The following GLUD1 variants were observed in gnomAD, a reference collection of about 807,000 sequenced individuals.
GLUD1 encodes glutamate dehydrogenase 1, mitochondrial.
GLUD1 carries 22 observed loss-of-function variants against 56.0 expected under a neutral mutation model. That is an observed-to-expected ratio of 0.39 (90% CI 0.28 to 0.56). The LOEUF is 0.56. GLUD1 is among the 20% of genes least tolerant of loss of function. The pLI is 0.58. For missense variants in GLUD1, 451 were observed against 732.0 expected (o/e 0.62, Z 4.43); for synonymous variants, 223 against 269.9 (o/e 0.83, Z 1.70).
Position 87,064,407 on chromosome 10 carries a change from T to C in GLUD1, c.742-1572A>G, listed in dbSNP as rs535418659. 1.5e-4 allele frequency among the ~76,000 whole-genome samples: 23 copies of C among 152,302 alleles called. No homozygotes were observed. In the South Asian group the frequency reaches 4.6e-3, roughly 30 times the overall value. ...AAACTAGAGACAGTCTTATTTTGTA[T>C]AGGCAATCAATATAAAATGAAAATT... On this transcript the variant is annotated intron_variant, in intron 5 of 12. Coordinates refer to ENST00000277865, the MANE Select transcript of GLUD1 (RefSeq NM_005271.5).
chr10:87,068,789 G>T (rs1846143780), intron 4 of GLUD1, among the ~76,000 whole-genome samples: 1 of 151,868 alleles, frequency 6.6e-6, no homozygotes, highest in Non-Finnish European at 1.5e-5. Context: ...AAAGGTTTAG[G>T]CTAATAAATT....
rs1334184584 is a variant in GLUD1, at chr10:87,093,299, TC to T, written c.445+1025del. The stretch of plus-strand genomic sequence containing the variant: ...TCCACCTCCAACAAGACTCCTCGCC[TC>T]CCTGGGCTCTTTATTCCATATAATT... On this transcript the variant is annotated intron_variant, in intron 1 of 12. Coordinates refer to ENST00000277865, the MANE Select transcript of GLUD1 (RefSeq NM_005271.5). Among the ~76,000 whole-genome samples the T allele has an allele frequency of 3.3e-5, 5 of 152,318 alleles. No homozygotes were observed. The East Asian group carries it at 9.6e-4, about 29-fold the overall frequency.
rs560115617 is a variant in GLUD1 at position 87,082,694 on chromosome 10, G to T, written c.446-6038C>A. 2.3e-4 allele frequency among the ~76,000 whole-genome samples: 35 copies of T among 152,276 alleles called. 2 individuals carry two copies. The South Asian group carries it at 7.3e-3, about 32-fold the overall frequency. On this transcript the variant is annotated intron_variant, in intron 1 of 12. Coordinates refer to ENST00000277865, the MANE Select transcript of GLUD1 (RefSeq NM_005271.5). ...TGATTCATACATGTTTTTAATTCTAGAAATTGGCAAATATTGAGTACTGGG... is the reference window on the plus strand; with the variant it reads ...TGATTCATACATGTTTTTAATTCTATAAATTGGCAAATATTGAGTACTGGG...
In GLUD1 at chr10:87,094,558, T is replaced by G. The variant is rs1388392497; in HGVS notation, c.212A>C (p.Glu71Ala). The G allele has an allele frequency of 1.9e-6, 3 of 1,611,988 alleles. No homozygotes were observed. In the Admixed American group the frequency reaches 5.0e-5, roughly 27 times the overall value. Residue 71 changes from glutamate (E) to alanine (A), a missense_variant, in exon 1 of 13, where the codon GAG (glutamate) becomes GCG (alanine). Coordinates refer to ENST00000277865, the MANE Select transcript of GLUD1 (RefSeq NM_005271.5). This position sits in a 1 kb window ranked among gnomAD's most constrained non-coding sequence, Gnocchi z 6.6. ...EDDPNFFKMV[E>A]GFFDRGASIV... is the part of the protein sequence containing the mutation. ...GCTGGCGCCGCGATCGAAGAAGCCC[T>G]CCACCATCTTGAAGAAGTTGGGGTC...
intron 5 of GLUD1, among the ~76,000 whole-genome samples, chr10:87,064,441 ATT>A (rs891291477): frequency 6.6e-6 from 1 of 152,196 alleles, no homozygotes; most frequent in Non-Finnish European, 1.5e-5. Flanking sequence ...TTCATATAAA[ATT>A]TTAAGTCAGT....
At chr10:87,078,793 A>G (rs867370497) in intron 1 of GLUD1, among the ~76,000 whole-genome samples, 1 of 152,204 alleles carries the variant, frequency 6.6e-6, no homozygotes, top group Non-Finnish European at 1.5e-5. Flanking sequence ...ATTAGAAGGA[A>G]TAAGTTTCTT....
At chr10:87,060,393 G>A (rs745412955) in intron 8 of GLUD1, 152 bp from the exon 9 acceptor site, 4 of 715,000 alleles carry the variant, frequency 5.6e-6, no homozygotes, top group Non-Finnish European at 9.9e-6. Context: ...TCTGCCAAGT[G>A]TATAAAACTA....
At chr10:87,086,719 T>TACTC (rs1194210313) in intron 1 of GLUD1, among the ~76,000 whole-genome samples, 1 of 147,800 alleles carries the variant, frequency 6.8e-6, no homozygotes, top group Non-Finnish European at 1.5e-5. Context: ...TAGTCCCAGC[T>TACTC]ACTCAGGAGG....
chr10:87,081,946 C>CAAA (rs71019464), intron 1 of GLUD1, among the ~76,000 whole-genome samples: 1 of 85,668 alleles, frequency 1.2e-5, no homozygotes, highest in Non-Finnish European at 2.5e-5. Context: ...ATGATCAATA[C>CAAA]AAAAAAAAAA....
chr10:87,075,883 C>T lies in GLUD1; in HGVS notation c.582+85G>A, dbSNP rs146158341. 2.9e-4 allele frequency: 270 copies of T among 945,686 alleles called. 1 individual carries two copies. In the East Asian group the frequency reaches 5.8e-3, roughly 20 times the overall value. 58.6% of individuals were successfully genotyped at this position (945,686 alleles called of 1,614,324 possible). A position where few individuals can be genotyped will look rare whatever the true frequency, so the allele number is the denominator to read the frequency against. ...GAGCCAAGATTGCGCCATTGTACTCCGGCCTGAACAACAGAGGAAGACTCT... is the reference window on the plus strand; with the variant it reads ...GAGCCAAGATTGCGCCATTGTACTCTGGCCTGAACAACAGAGGAAGACTCT... On this transcript the variant is annotated intron_variant, in intron 3 of 12. Transcript: ENST00000277865.
At chr10:87,066,033 C>A (rs1338566563) in intron 5 of GLUD1, among the ~76,000 whole-genome samples, 1 of 152,156 alleles carries the variant, frequency 6.6e-6, no homozygotes. Flanking sequence ...ATTCCCCAGG[C>A]CTTCATTCCC....
At position 87,094,085 on chromosome 10, in the gene GLUD1, T is replaced by A; in HGVS notation, c.445+240A>T. ...CTACTCTGCATGCAAGATCAGCATA[T>A]ACAGAGGCCCGGGGTGACGGCGCGG... is the stretch of plus-strand genomic sequence containing the variant. On this transcript the variant is annotated intron_variant, in intron 1 of 12. Transcript: ENST00000277865. This position sits in a 1 kb window ranked among gnomAD's most constrained non-coding sequence, Gnocchi z 6.6. 6.6e-7 allele frequency: 1 copy of A among 1,514,200 alleles called. No homozygotes were observed. The highest frequency in any genetic ancestry group is 8.8e-7 in the Non-Finnish European group (1 of 1,133,744). The allele number at this position is 1,514,200 out of a possible 1,614,324, so 93.8% of individuals were successfully genotyped here.
chr10:87,074,487 C>CAAA, intron 4 of GLUD1, 64 bp downstream of exon 4: 11 of 761,888 alleles, frequency 1.4e-5, no homozygotes, highest in East Asian at 2.9e-5. Context: ...GACTCCGTCT[C>CAAA]AAAAAAAAAA....
intron 1 of GLUD1, among the ~76,000 whole-genome samples, chr10:87,082,406 C>T (rs1841284605): frequency 6.6e-6 from 1 of 152,178 alleles, no homozygotes; most frequent in African/African-American, 2.4e-5. Context: ...CCAGCTACAC[C>T]CATTTAGAGA....
chr10:87,086,551 C>T (rs1160522950), intron 1 of GLUD1, among the ~76,000 whole-genome samples: 1 of 151,968 alleles, frequency 6.6e-6, no homozygotes, highest in Non-Finnish European at 1.5e-5. Flanking sequence ...TGGCCTGGCG[C>T]GGTGGCTCAC....
At chr10:87,065,470 A>C (rs12256112) in intron 5 of GLUD1, among the ~76,000 whole-genome samples, 3 of 152,060 alleles carry the variant, frequency 2.0e-5, no homozygotes, top group African/African-American at 7.2e-5. Context: ...GCAGTATGTT[A>C]TTTGTAGCTC....
intron 1 of GLUD1, among the ~76,000 whole-genome samples, chr10:87,080,712 G>T (rs1324312327): frequency 6.8e-6 from 1 of 147,376 alleles, no homozygotes; most frequent in African/African-American, 2.6e-5. Flanking sequence ...CAACCGCCCC[G>T]TCTGAGAAGT....
chr10:87,067,104 C>T (rs1420394941), intron 5 of GLUD1, among the ~76,000 whole-genome samples: 4 of 152,250 alleles, frequency 2.6e-5, no homozygotes, highest in African/African-American at 4.8e-5. Context: ...TCTCTCCTGG[C>T]GCCAGCACAG....
intron 11 of GLUD1, among the ~76,000 whole-genome samples, chr10:87,054,125 C>G (rs1845706887): frequency 6.6e-6 from 1 of 152,146 alleles, no homozygotes; most frequent in East Asian, 1.9e-4. Context: ...AGCTACAAAA[C>G]ACATATGCCC....
Sources: gnomAD v4.1 joint callset for allele counts (sites outside exome capture counted in the v4.1 genomes callset) on GRCh38, gnomAD v4.1.1 for gene constraint, Gnocchi (gnomAD v3.1) non-coding constraint, MANE v1.5 for transcripts, NCBI Gene and HGNC (gene_info 2026-07-23, HGNC 2026-07-21) for gene names.